SDK2: variants seen among roughly 807,000 people sequenced by gnomAD.
The protein encoded by SDK2 is protein sidekick-2.
SDK2 carries 105 observed loss-of-function variants against 253.9 expected under a neutral mutation model. The ratio of observed to expected loss-of-function variants is 0.41; its 90% CI spans 0.35 to 0.49. The LOEUF (loss-of-function observed/expected upper bound fraction) is 0.49, where lower values mean the gene tolerates loss of function less well. SDK2 is among the 20% of genes least tolerant of loss of function. The probability of loss-of-function intolerance (pLI) is 0.06; values close to 1 mark genes in which losing one functional copy is unlikely to be tolerated. For synonymous variants in SDK2, 1,249 were observed against 1,234.9 expected (o/e 1.01, Z -0.24); for missense variants, 2,608 against 3,003.0 (o/e 0.87, Z 3.07).
In SDK2 at chr17:73,368,471, G is replaced by A. The variant is rs768123458; in HGVS notation, c.5103C>T (p.Ala1701=). Residue 1701 remains alanine, a synonymous_variant, in exon 37 of 45, where the codon GCC becomes GCT. Coordinates refer to ENST00000392650, the MANE Select transcript of SDK2 (RefSeq NM_001144952.2). ...GCCCATCCCCAGCGGCGTTGAAGGCGGCCACGCTGACCATGTAGGCCGTGT... is the reference window on the plus strand; with the variant it reads ...GCCCATCCCCAGCGGCGTTGAAGGCAGCCACGCTGACCATGTAGGCCGTGT... ...TGYTAYMVSV[A]AFNAAGDGPR... The A allele has an allele frequency of 1.4e-5, 23 of 1,608,746 alleles. No homozygotes were observed. The Admixed American group carries it at 1.8e-4, about 13-fold the overall frequency.
At chr17:73,425,402 G>A (rs1011335365) in intron 12 of SDK2, among the ~76,000 whole-genome samples, 1 of 152,226 alleles carries the variant, frequency 6.6e-6, no homozygotes, top group African/African-American at 2.4e-5. Flanking sequence ...TTCCCCGCCC[G>A]GATAGGCAGT....
At chr17:73,471,551 T>C (rs1055840757) in intron 3 of SDK2, among the ~76,000 whole-genome samples, 1 of 152,100 alleles carries the variant, frequency 6.6e-6, no homozygotes, top group African/African-American at 2.4e-5. Flanking sequence ...TGAGCCAAGA[T>C]TGCACCACTG....
intron 1 of SDK2, among the ~76,000 whole-genome samples, chr17:73,624,649 C>T (rs1245193811): frequency 6.6e-6 from 1 of 152,192 alleles, no homozygotes; most frequent in Non-Finnish European, 1.5e-5. Flanking sequence ...TCTGATTCAT[C>T]AGGTCTGGGG....
chr17:73,388,144 A>T (rs1260898609), intron 29 of SDK2, 107 bp from the exon 30 acceptor site: 4 of 767,938 alleles, frequency 5.2e-6, no homozygotes, highest in Non-Finnish European at 8.5e-6. Flanking sequence ...CAGGCCTGGC[A>T]TCCCCTTCCC....
chr17:73,432,496 A>C (rs146677356), intron 10 of SDK2, among the ~76,000 whole-genome samples: 5 of 152,206 alleles, frequency 3.3e-5, no homozygotes, highest in Admixed American at 3.3e-4. Context: ...GTGTGCCCCT[A>C]TTATCCCCAC....
chr17:73,449,602 CTTTTTTTTT>C (rs33923010), intron 4 of SDK2, among the ~76,000 whole-genome samples: 13 of 94,340 alleles, frequency 1.4e-4, no homozygotes, highest in African/African-American at 4.4e-4. Context: ...CCCCCCACCT[CTTTTTTTTT>C]TTTTTTTTTT....
At chr17:73,360,188 T>A (rs2062628768) in intron 39 of SDK2, among the ~76,000 whole-genome samples, 1 of 152,314 alleles carries the variant, frequency 6.6e-6, no homozygotes, top group Non-Finnish European at 1.5e-5. Context: ...GGGGCGGGGC[T>A]GGAGGCAGAT....
intron 2 of SDK2, among the ~76,000 whole-genome samples, chr17:73,486,569 C>G (rs2063770650): frequency 2.0e-5 from 3 of 147,962 alleles, no homozygotes; most frequent in Middle Eastern, 3.6e-3. Context: ...ATGATTGCAC[C>G]ACTGCACTAC....
intron 18 of SDK2, among the ~76,000 whole-genome samples, chr17:73,406,669 G>C (rs1027810474): frequency 3.9e-5 from 6 of 152,176 alleles, no homozygotes; most frequent in Admixed American, 6.5e-5. Context: ...AATTTGCTTT[G>C]TGGATTTGAC....
At chr17:73,581,641 T>C (rs1770491159) in intron 1 of SDK2, among the ~76,000 whole-genome samples, 1 of 152,224 alleles carries the variant, frequency 6.6e-6, no homozygotes, top group African/African-American at 2.4e-5. Flanking sequence ...CCCTGCATCT[T>C]TGCCCATGGC....
At chr17:73,385,780 G>A (rs1308248928) in intron 32 of SDK2, 67 bp downstream of exon 32, 16 of 1,441,128 alleles carry the variant, frequency 1.1e-5, no homozygotes, top group Non-Finnish European at 1.5e-5. Context: ...GGGGACTGCT[G>A]GCTTTCCAGT....
At chr17:73,603,563 G>A (rs1235993548) in intron 1 of SDK2, among the ~76,000 whole-genome samples, 5 of 152,178 alleles carry the variant, frequency 3.3e-5, no homozygotes, top group African/African-American at 1.2e-4. Context: ...CAGGGAGCTT[G>A]GGTCCCTGTA....
intron 39 of SDK2, among the ~76,000 whole-genome samples, chr17:73,360,229 T>G (rs534342111): frequency 2.0e-4 from 30 of 152,364 alleles, no homozygotes; most frequent in African/African-American, 6.7e-4. Context: ...GCTCCTGGGC[T>G]GCCTCCTGCA....
intron 18 of SDK2, among the ~76,000 whole-genome samples, chr17:73,413,606 C>A (rs1027603580): frequency 1.3e-5 from 2 of 152,192 alleles, no homozygotes; most frequent in African/African-American, 2.4e-5. Flanking sequence ...CCACTAAAAT[C>A]ACTTTCCAAG....
chr17:73,392,548 C>G (rs1317790857), intron 27 of SDK2, among the ~76,000 whole-genome samples: 1 of 152,146 alleles, frequency 6.6e-6, no homozygotes, highest in Admixed American at 6.6e-5. Context: ...GGATTACAGG[C>G]GTGAGCCACC....
chr17:73,486,363 C>T (rs1044180573), intron 2 of SDK2, among the ~76,000 whole-genome samples: 1 of 152,136 alleles, frequency 6.6e-6, no homozygotes, highest in African/African-American at 2.4e-5. Flanking sequence ...AATCCCATCA[C>T]TTTGGGAAGC....
chr17:73,395,080 G>A lies in SDK2; in HGVS notation c.3592+75C>T, dbSNP rs940015298. 5.1e-6 allele frequency: 6 copies of A among 1,178,444 alleles called. No individual in the cohort carries two copies. Among genetic ancestry groups the A allele is most frequent in the East Asian group, 2.6e-5 (1 of 38,956 alleles). 73.0% of individuals were successfully genotyped at this position (1,178,444 alleles called of 1,614,324 possible). On this transcript the variant is annotated intron_variant, in intron 25 of 44. Coordinates refer to ENST00000392650, the MANE Select transcript of SDK2 (RefSeq NM_001144952.2). This position sits in a 1 kb window ranked among gnomAD's most constrained non-coding sequence, Gnocchi z 4.3. ...GAACAACACCTTCAGCCTGGCACGC[G>A]CTTGGATGACCCTGAGGGCATAGAG...
At chr17:73,506,098 C>T (rs895610171) in intron 2 of SDK2, among the ~76,000 whole-genome samples, 3 of 152,248 alleles carry the variant, frequency 2.0e-5, no homozygotes, top group Admixed American at 6.5e-5. Flanking sequence ...ACTACTTGCA[C>T]GTGTGGTATG....
intron 16 of SDK2, among the ~76,000 whole-genome samples, chr17:73,417,095 G>A (rs1453562810): frequency 1.3e-5 from 2 of 151,942 alleles, no homozygotes; most frequent in Non-Finnish European, 2.9e-5. Flanking sequence ...TTAAGTTTTT[G>A]GGGAGTCAAA....
Sources: gnomAD v4.1 joint callset for allele counts (sites outside exome capture counted in the v4.1 genomes callset) on GRCh38, gnomAD v4.1.1 for gene constraint, Gnocchi (gnomAD v3.1) non-coding constraint, MANE v1.5 for transcripts, NCBI Gene and HGNC (gene_info 2026-07-23, HGNC 2026-07-21) for gene names.